Variants in TARDBP observed in about 807,000 individuals in gnomAD.
TARDBP encodes the protein TAR DNA binding protein.
In TARDBP, 4 loss-of-function variants were observed where a neutral mutation model predicts 38.3. That is an observed-to-expected ratio of 0.10 (90% CI 0.05 to 0.24). The LOEUF is 0.24. Ranked by LOEUF, TARDBP falls within the 10% of genes least tolerant of loss-of-function variation. The probability of loss-of-function intolerance (pLI) is 1.00; values close to 1 mark genes in which losing one functional copy is unlikely to be tolerated. For synonymous variants in TARDBP, 184 were observed against 183.8 expected, an observed-to-expected ratio of 1.00 and a Z score of -0.01; for missense variants, 202 against 521.9, an observed-to-expected ratio of 0.39 and a Z score of 5.97.
intron 2 of TARDBP, among the ~76,000 whole-genome samples, chr1:11,015,209 G>A (rs984054118): frequency 5.3e-5 from 8 of 151,994 alleles, no homozygotes; most frequent in African/African-American, 1.2e-4. Flanking sequence ...TGTCAGGCTC[G>A]GTGCAATGGC....
At chr1:11,020,115 C>T (rs1643607529) in intron 4 of TARDBP, among the ~76,000 whole-genome samples, 1 of 152,072 alleles carries the variant, frequency 6.6e-6, no homozygotes. Context: ...CCGCCTCGGC[C>T]TCTCAAAGTG....
intron 4 of TARDBP, 43 bp from the exon 5 acceptor site, chr1:11,020,386 A>C (rs759149612): frequency 1.2e-6 from 2 of 1,611,998 alleles, no homozygotes; most frequent in Non-Finnish European, 1.7e-6. Context: ...TTCATTGTTC[A>C]TAACATATTT....
chr1:11,013,919 A>C lies in TARDBP; in HGVS notation c.192A>C (p.Pro64=), dbSNP rs2100838504. 1 of 1,614,228 alleles carries C rather than the reference A, an allele frequency of 6.2e-7. No individual in the cohort carries two copies. The highest frequency in any genetic ancestry group is 8.5e-7 in the Non-Finnish European group (1 of 1,180,040). ...VRLVEGILHA[P]DAGWGNLVYV... ...TGGTAGAAGGAATTCTGCATGCCCC[A>C]GATGCTGGCTGGGGAAATCTGGTGT... The change falls in exon 2 of 6, where the codon CCA becomes CCC. Residue 64 remains proline (P), a synonymous_variant. Transcript: ENST00000240185.
At chr1:11,017,533 C>T (rs1331868439) in intron 3 of TARDBP, among the ~76,000 whole-genome samples, 1 of 152,094 alleles carries the variant, frequency 6.6e-6, no homozygotes, top group African/African-American at 2.4e-5. Context: ...ACTGTCCTTT[C>T]TGTTACACAG....
At chr1:11,021,241 C>T (rs180819006) in intron 5 of TARDBP, among the ~76,000 whole-genome samples, 2 of 151,924 alleles carry the variant, frequency 1.3e-5, no homozygotes, top group East Asian at 1.9e-4. Context: ...TGGGTTCAAG[C>T]GATTGTCTTG....
In TARDBP at chr1:11,024,933, A is replaced by G. The variant is rs1328250572; in HGVS notation, c.*2279A>G. 3 of 39,918 alleles carry G rather than the reference A, an allele frequency of 7.5e-5. No individual in the cohort carries two copies. The highest frequency in any genetic ancestry group is 1.3e-4 in the Non-Finnish European group (3 of 23,790). 2.5% of individuals were successfully genotyped at this position (39,918 alleles called of 1,614,324 possible). A position where few individuals can be genotyped will look rare whatever the true frequency, so the allele number is the denominator to read the frequency against. On this transcript the variant is annotated 3_prime_UTR_variant, in exon 6 of 6. Coordinates refer to ENST00000240185, the MANE Select transcript of TARDBP (RefSeq NM_007375.4). Reference sequence around the variant, plus strand: ...TTAGATTATGATAAATAGGTTTGTCATTTTGCAAGTTACATAAACATTTAT... The same window carrying G: ...TTAGATTATGATAAATAGGTTTGTCGTTTTGCAAGTTACATAAACATTTAT...
chr1:11,030,233 C>T, downstream of TARDBP: 1 of 1,613,504 alleles, frequency 6.2e-7, no homozygotes, highest in Non-Finnish European at 8.5e-7. Flanking sequence ...AATCCATCAG[C>T]CTCACACACA....
At chr1:11,026,304 T>C (rs534132093), downstream of TARDBP, 3 of 152,402 alleles carry the variant, frequency 2.0e-5, no homozygotes, top group South Asian at 6.2e-4. Context: ...ATGTTGTCTT[T>C]AACAATGTGA....
Position 11,018,817 on chromosome 1 carries a change from T to G in TARDBP, c.487T>G (p.Ser163Ala). The change falls in exon 4 of 6, where the codon TCA (serine) becomes GCA (alanine). Residue 163 changes from serine (S) to alanine (A), a missense_variant. By Grantham distance (99) the Ser-to-Ala change is moderately conservative. Around this residue, in one of 5 missense-constraint regions of TARDBP, gnomAD observed 71 missense variants for 185.4 expected, o/e 0.38. Transcript: ENST00000240185. ...ATATGAAACACAAGTGAAAGTAATG[T>G]CACAGCGACATATGATAGATGGACG... is the stretch of plus-strand genomic sequence containing the variant. ...TEYETQVKVM[S>A]QRHMIDGRWC... 6.2e-7 allele frequency: 1 copy of G among 1,614,240 alleles called. No individual in the cohort carries two copies. Among genetic ancestry groups the G allele is most frequent in the Admixed American group, 1.7e-5 (1 of 60,030 alleles).
downstream of TARDBP, among the ~76,000 whole-genome samples, chr1:11,028,697 GTTTTTTTTCTTT>G (rs1176706074): frequency 8.6e-3 from 309 of 36,114 alleles, 2 homozygotes; most frequent in African/African-American, 0.04. Flanking sequence ...ATCTTTCTGG[GTTTTTTTTCTTT>G]TTTTTTTTTT....
At chr1:11,029,445 A>T (rs1259750781), downstream of TARDBP, among the ~76,000 whole-genome samples, 3 of 151,702 alleles carry the variant, frequency 2.0e-5, no homozygotes, top group Non-Finnish European at 4.4e-5. Context: ...CTTTGGAGCC[A>T]ATTCTGGTTA....
At position 11,023,301 on chromosome 1, in the gene TARDBP, A is replaced by G. The variant is rs1333579018; in HGVS notation, c.*647A>G. On this transcript the variant is annotated 3_prime_UTR_variant, in exon 6 of 6. Transcript: ENST00000240185. Reference sequence around the variant, plus strand: ...ATGCTTTCTCATTCAAGAATTCGTCATCACGCATCACAGGCCGCGTCTTTG... The same window carrying G: ...ATGCTTTCTCATTCAAGAATTCGTCGTCACGCATCACAGGCCGCGTCTTTG... 14 of 1,535,288 alleles carry G rather than the reference A, an allele frequency of 9.1e-6. No homozygotes were observed. The highest frequency in any genetic ancestry group is 2.0e-5 in the Admixed American group (1 of 50,626).
rs370342366 is a variant in TARDBP at position 11,018,882 on chromosome 1, G to A, written c.543+9G>A. The stretch of plus-strand genomic sequence containing the variant: ...AACTTCCTAATTCTAAGGTACTTGC[G>A]TCTGTGCTTTGGGAATTTTTGCCAA... On this transcript the variant is annotated intron_variant, in intron 4 of 5. Coordinates refer to ENST00000240185, the MANE Select transcript of TARDBP (RefSeq NM_007375.4). 3.0e-5 allele frequency: 48 copies of A among 1,613,986 alleles called. No individual in the cohort carries two copies. The highest frequency in any genetic ancestry group is 2.0e-4 in the African/African-American group (15 of 75,046).
At chr1:11,018,204 G>A (rs1254095276) in intron 3 of TARDBP, among the ~76,000 whole-genome samples, 1 of 150,428 alleles carries the variant, frequency 6.6e-6, no homozygotes, top group Non-Finnish European at 1.5e-5. Flanking sequence ...TTTTCTTTTT[G>A]GAGACAGGGT....
intron 2 of TARDBP, 147 bp downstream of exon 2, chr1:11,014,112 C>G (rs924642685): frequency 3.6e-5 from 30 of 835,096 alleles, no homozygotes; most frequent in Middle Eastern, 2.2e-4. Flanking sequence ...TTTGGAAGAC[C>G]ACGAGTCTAA....
chr1:11,012,949 C>T (rs1643438319), intron 1 of TARDBP, among the ~76,000 whole-genome samples: 1 of 152,248 alleles, frequency 6.6e-6, no homozygotes, highest in African/African-American at 2.4e-5. Context: ...GGGGGCCGGG[C>T]CCGCGGTGCC....
At chr1:11,019,253 G>T in intron 4 of TARDBP, 1 of 311,232 alleles carries the variant, frequency 3.2e-6, no homozygotes, top group South Asian at 2.8e-5. Context: ...TGGCTTATTT[G>T]GAACATCATC....
chr1:11,028,989 TTTTC>T (rs561289312), downstream of TARDBP, among the ~76,000 whole-genome samples: 632 of 148,138 alleles, frequency 4.3e-3, 5 homozygotes, highest in African/African-American at 0.015. Context: ...CTGACTTTTT[TTTTC>T]TTTTTCTCTT....
In TARDBP at chr1:11,024,663, G is replaced by T. The variant is rs1034529784; in HGVS notation, c.*2009G>T. Reference sequence around the variant, plus strand: ...AGAATTAGGGTGGGTTGTCTGTCTGGAAGTGTTAAGTGGAATGGGCTTTGT... The same window carrying T: ...AGAATTAGGGTGGGTTGTCTGTCTGTAAGTGTTAAGTGGAATGGGCTTTGT... On this transcript the variant is annotated 3_prime_UTR_variant, in exon 6 of 6. Coordinates refer to ENST00000240185, the MANE Select transcript of TARDBP (RefSeq NM_007375.4). 1 of 152,702 alleles carries T rather than the reference G, an allele frequency of 6.5e-6. No individual in the cohort carries two copies. The highest frequency in any genetic ancestry group is 2.4e-5 in the African/African-American group (1 of 41,444). 9.5% of individuals were successfully genotyped at this position (152,702 alleles called of 1,614,324 possible).
Sources: gnomAD v4.1 joint callset for allele counts (sites outside exome capture counted in the v4.1 genomes callset) on GRCh38, gnomAD v4.1.1 for gene constraint, gnomAD v4.1.1 regional missense constraint, MANE v1.5 for transcripts, NCBI Gene and HGNC (gene_info 2026-07-23, HGNC 2026-07-21) for gene names.